LHPP: variants seen among roughly 807,000 people sequenced by gnomAD.
LHPP encodes the protein hLHPP.
A neutral mutation model predicts 30.3 loss-of-function variants in LHPP; 24 were observed. The observed-to-expected ratio is 0.79, with a 90% CI of 0.57 to 1.11. LHPP has a LOEUF of 1.11. Among genes scored for constraint, LHPP ranks in the 50% most tolerant of loss-of-function variants. The pLI, the probability that LHPP is intolerant of heterozygous loss-of-function variation, is 0.00. For synonymous variants in LHPP, 150 were observed against 157.1 expected (o/e 0.95, Z 0.34); for missense variants, 356 against 367.2 (o/e 0.97, Z 0.25).
chr10:124,611,154 G>A (rs889113914), intron 6 of LHPP, among the ~76,000 whole-genome samples: 3 of 151,952 alleles, frequency 2.0e-5, no homozygotes, highest in African/African-American at 7.3e-5. Flanking sequence ...CCAGCCAAGC[G>A]ATCCCCACTG....
intron 5 of LHPP, among the ~76,000 whole-genome samples, chr10:124,504,140 C>G (rs11245245): frequency 0.087 from 13,178 of 151,886 alleles, 866 homozygotes; most frequent in Non-Finnish European, 0.14. Flanking sequence ...TACAGTGAGC[C>G]GAGATCCTGC....
At chr10:124,545,859 A>C (rs879800586) in intron 6 of LHPP, 5 of 152,148 alleles carry the variant, frequency 3.3e-5, no homozygotes, top group African/African-American at 9.7e-5. Context: ...TTGGGGGGAA[A>C]ATGCAGCGCT....
At chr10:124,584,243 T>G (rs1321173778) in intron 6 of LHPP, among the ~76,000 whole-genome samples, 1 of 150,952 alleles carries the variant, frequency 6.6e-6, no homozygotes, top group Non-Finnish European at 1.5e-5. Context: ...CGTGCACCTG[T>G]AGTCTCAGCT....
chr10:124,566,086 C>T (rs1328884357), intron 6 of LHPP, among the ~76,000 whole-genome samples: 2 of 152,260 alleles, frequency 1.3e-5, no homozygotes. Context: ...TGCCATGCCA[C>T]TCCGGCGGCA....
intron 6 of LHPP, among the ~76,000 whole-genome samples, chr10:124,597,455 T>C (rs576601446): frequency 6.6e-6 from 1 of 152,306 alleles, no homozygotes; most frequent in South Asian, 2.1e-4. Context: ...CTGCCACCTG[T>C]CGAAGAGATC....
At chr10:124,584,177 C>T (rs35103967) in intron 6 of LHPP, among the ~76,000 whole-genome samples, 20,088 of 148,360 alleles carry the variant, frequency 0.14, 1,798 homozygotes, top group Non-Finnish European at 0.2. Context: ...AGAAATTTAG[C>T]TTGGGCAACA....
intron 6 of LHPP, among the ~76,000 whole-genome samples, chr10:124,521,291 A>C (rs1954607030): frequency 6.6e-6 from 1 of 152,358 alleles, no homozygotes; most frequent in African/African-American, 2.4e-5. Context: ...TCCTTCCAGG[A>C]AATACCCCCA....
intron 5 of LHPP, among the ~76,000 whole-genome samples, chr10:124,505,872 G>A (rs866023229): frequency 4.6e-5 from 7 of 152,128 alleles, no homozygotes; most frequent in East Asian, 1.9e-4. Flanking sequence ...GGAGGGGCCC[G>A]TTTCACAGGT....
chr10:124,481,633 G>A (rs11245123), intron 1 of LHPP, among the ~76,000 whole-genome samples: 21,623 of 151,536 alleles, frequency 0.14, 1,878 homozygotes, highest in Non-Finnish European at 0.19. Context: ...CACCCACCTC[G>A]ACCTCCCAAA....
chr10:124,465,105 T>C (rs1346873999), intron 1 of LHPP, among the ~76,000 whole-genome samples: 1 of 151,820 alleles, frequency 6.6e-6, no homozygotes, highest in African/African-American at 2.4e-5. Context: ...TGGACGAGGG[T>C]GGCCTGTGCT....
rs1425968129 is a variant in LHPP, at chr10:124,590,276, G to A, written c.717-22988G>A. Among the ~76,000 whole-genome samples the A allele has an allele frequency of 2.0e-5, 3 of 152,152 alleles. No homozygotes were observed. The highest frequency in any genetic ancestry group is 4.4e-5 in the Non-Finnish European group (3 of 68,022). ...CTTTGGTTGAGGTCTGCAAAGGAAA[G>A]CACCCCCACTGCCAGGCTGCTCAGG... On this transcript the variant is annotated intron_variant, in intron 6 of 6. Transcript: ENST00000368842. The surrounding 1 kb of genome is among the most constrained non-coding windows in gnomAD (Gnocchi z 4.3).
intron 6 of LHPP, among the ~76,000 whole-genome samples, chr10:124,586,684 A>G (rs1156815758): frequency 1.3e-5 from 2 of 152,244 alleles, no homozygotes; most frequent in African/African-American, 4.8e-5. Context: ...TTTCCAGGGC[A>G]GGAAGTGGCC....
At chr10:124,518,926 GAA>G (rs1338690906) in intron 6 of LHPP, among the ~76,000 whole-genome samples, 1 of 152,174 alleles carries the variant, frequency 6.6e-6, no homozygotes, top group Non-Finnish European at 1.5e-5. Flanking sequence ...CGGAGAGAGA[GAA>G]ACTCTGTTTT....
At position 124,496,904 on chromosome 10, in the gene LHPP, A is replaced by G. The variant is rs1033201636; in HGVS notation, c.468-57A>G. The stretch of plus-strand genomic sequence containing the variant: ...CGGTGCTCAGCTCCCGATACTTAGC[A>G]TCCTGCGGTCAGCTCCCCGTGCTCA... On this transcript the variant is annotated intron_variant, in intron 3 of 6. Coordinates refer to ENST00000368842, the MANE Select transcript of LHPP (RefSeq NM_022126.4). The surrounding 1 kb of genome is among the most constrained non-coding windows in gnomAD (Gnocchi z 4.3). The G allele has an allele frequency of 8.6e-6, 13 of 1,508,052 alleles. No homozygotes were observed. The highest frequency in any genetic ancestry group is 1.1e-5 in the Non-Finnish European group (12 of 1,092,110). 93.4% of individuals were successfully genotyped at this position (1,508,052 alleles called of 1,614,324 possible).
At chr10:124,474,751 T>C (rs546141332) in intron 1 of LHPP, among the ~76,000 whole-genome samples, 132 of 152,140 alleles carry the variant, frequency 8.7e-4, no homozygotes, top group African/African-American at 2.9e-3. Flanking sequence ...TGGGGCTCGG[T>C]GGAGGAGGAG....
At position 124,478,999 on chromosome 10, in the gene LHPP, G is replaced by A. The variant is rs1953042602; in HGVS notation, c.126-5140G>A. ...CAGGAGAATTGCTTGAACCCAGGAG[G>A]CGGAGGTTGCAGTGAGCTGAGATTG... On this transcript the variant is annotated intron_variant, in intron 1 of 6. Coordinates refer to ENST00000368842, the MANE Select transcript of LHPP (RefSeq NM_022126.4). This position sits in a 1 kb window ranked among gnomAD's most constrained non-coding sequence, Gnocchi z 4.7. Among the ~76,000 whole-genome samples, 2 of 151,864 alleles carry A rather than the reference G, an allele frequency of 1.3e-5. No individual in the cohort carries two copies. The highest frequency in any genetic ancestry group is 4.2e-4 in the South Asian group (2 of 4,816).
chr10:124,462,796 C>T (rs1952442129), intron 1 of LHPP, among the ~76,000 whole-genome samples: 2 of 152,236 alleles, frequency 1.3e-5, no homozygotes, highest in Non-Finnish European at 2.9e-5. Flanking sequence ...CTCCCGGGTG[C>T]AAGTGATTCT....
At chr10:124,473,398 T>G (rs1208397775) in intron 1 of LHPP, among the ~76,000 whole-genome samples, 1 of 152,200 alleles carries the variant, frequency 6.6e-6, no homozygotes, top group Non-Finnish European at 1.5e-5. Flanking sequence ...TGAGGGGGAC[T>G]GAGGGCTGCT....
At chr10:124,606,149 G>T (rs920975463) in intron 6 of LHPP, among the ~76,000 whole-genome samples, 1 of 152,170 alleles carries the variant, frequency 6.6e-6, no homozygotes, top group African/African-American at 2.4e-5. Context: ...AGGAGAACCC[G>T]CAGCCGCCCC....
Sources: gnomAD v4.1 joint callset for allele counts (sites outside exome capture counted in the v4.1 genomes callset) on GRCh38, gnomAD v4.1.1 for gene constraint, Gnocchi (gnomAD v3.1) non-coding constraint, MANE v1.5 for transcripts, NCBI Gene and HGNC (gene_info 2026-07-23, HGNC 2026-07-21) for gene names.